TMEM131: variants seen among roughly 807,000 people sequenced by gnomAD.
The protein encoded by TMEM131 is 2610524E03Rik.
A neutral mutation model predicts 211.6 loss-of-function variants in TMEM131; 66 were observed. The observed-to-expected ratio is 0.31, with a 90% confidence interval of 0.26 to 0.38. The LOEUF is 0.38. Ranked by LOEUF, TMEM131 falls within the 10% of genes least tolerant of loss-of-function variation. TMEM131 has a pLI of 1.00. For synonymous variants in TMEM131, 844 were observed against 841.3 expected (o/e 1.00, Z -0.06); for missense variants, 2,036 against 2,299.3 (o/e 0.89, Z 2.34).
chr2:97,765,635 G>T (rs1166776761), intron 35 of TMEM131, among the ~76,000 whole-genome samples: 2 of 152,210 alleles, frequency 1.3e-5, no homozygotes, highest in Non-Finnish European at 2.9e-5. Context: ...CAAGGTCAAG[G>T]TAGTGAGAAA....
At chr2:97,805,513 T>TTAA in intron 20 of TMEM131, 38 bp downstream of exon 20, 2 of 1,611,444 alleles carry the variant, frequency 1.2e-6, no homozygotes, top group Non-Finnish European at 1.7e-6. Context: ...AAACAAAATG[T>TTAA]TAACCAATGG....
intron 11 of TMEM131, among the ~76,000 whole-genome samples, chr2:97,825,446 C>T (rs1424291763): frequency 6.6e-6 from 1 of 152,168 alleles, no homozygotes; most frequent in Non-Finnish European, 1.5e-5. Context: ...TAAGACAAAA[C>T]AGTTACGGGG....
chr2:97,895,002 T>C (rs1473611691), intron 3 of TMEM131, among the ~76,000 whole-genome samples: 2 of 152,176 alleles, frequency 1.3e-5, no homozygotes, highest in East Asian at 1.9e-4. Flanking sequence ...ATAGTCGCTG[T>C]TGGTTTGTCA....
chr2:97,902,107 G>A (rs1675879633), intron 3 of TMEM131, among the ~76,000 whole-genome samples: 1 of 151,642 alleles, frequency 6.6e-6, no homozygotes, highest in African/African-American at 2.4e-5. Flanking sequence ...TTAAAGTAGA[G>A]TAAAAATCCT....
intron 11 of TMEM131, 65 bp downstream of exon 11, chr2:97,833,300 A>G: frequency 1.3e-6 from 1 of 782,264 alleles, no homozygotes; most frequent in Non-Finnish European, 2.0e-6. Flanking sequence ...AATTATTTTT[A>G]ACTTTGTCAT....
chr2:97,772,158 T>A (rs1573334244), intron 33 of TMEM131, 139 bp downstream of exon 33: 5 of 935,814 alleles, frequency 5.3e-6, no homozygotes, highest in East Asian at 2.5e-5. Flanking sequence ...CCAAGAGGAA[T>A]GTGACGTAGC....
chr2:97,847,990 T>C (rs1683528684), intron 5 of TMEM131, among the ~76,000 whole-genome samples: 1 of 152,120 alleles, frequency 6.6e-6, no homozygotes, highest in Non-Finnish European at 1.5e-5. Flanking sequence ...CCAAAGCAAT[T>C]CTGAAAGAGA....
chr2:97,925,935 C>T (rs1218661262), intron 2 of TMEM131, among the ~76,000 whole-genome samples: 2 of 151,654 alleles, frequency 1.3e-5, no homozygotes, highest in Non-Finnish European at 2.9e-5. Flanking sequence ...ATGGTGAAAC[C>T]CCGTCTGTAC....
At chr2:97,911,168 T>C (rs757257919) in intron 2 of TMEM131, among the ~76,000 whole-genome samples, 19 of 152,194 alleles carry the variant, frequency 1.2e-4, no homozygotes, top group East Asian at 1.9e-4. Context: ...AAAATAATTA[T>C]GCTGAGTGGA....
At chr2:97,802,835 G>A (rs768227468) in intron 22 of TMEM131, 45 bp from the exon 23 acceptor site, 2 of 1,473,114 alleles carry the variant, frequency 1.4e-6, no homozygotes, top group Non-Finnish European at 1.8e-6. Context: ...TGAAATATTT[G>A]AGTCTTCTGA....
At chr2:97,875,510 C>G (rs1177788704) in intron 4 of TMEM131, among the ~76,000 whole-genome samples, 2 of 152,318 alleles carry the variant, frequency 1.3e-5, no homozygotes, top group East Asian at 3.9e-4. Context: ...GAAATCATAA[C>G]AAACAGTTTC....
Position 97,908,944 on chromosome 2 carries a change from C to T in TMEM131, c.250-246G>A, listed in dbSNP as rs547633582. 5.3e-5 allele frequency among the ~76,000 whole-genome samples: 8 copies of T among 152,270 alleles called. No homozygotes were observed. The South Asian group carries it at 1.5e-3, about 28-fold the overall frequency. ...CCAAACCGACACATCCTGAGAACAG[C>T]CCCTTTGACAATCACTTTGTGAGGC... On this transcript the variant is annotated intron_variant, in intron 2 of 40. Coordinates refer to ENST00000186436, the MANE Select transcript of TMEM131 (RefSeq NM_015348.2).
chr2:97,787,882 C>G (rs1433023149), intron 31 of TMEM131, among the ~76,000 whole-genome samples: 4 of 152,154 alleles, frequency 2.6e-5, no homozygotes, highest in Non-Finnish European at 5.9e-5. Flanking sequence ...TCCTCTGAAA[C>G]CTTACACTCA....
At chr2:97,957,682 C>A (rs1678633453) in intron 1 of TMEM131, among the ~76,000 whole-genome samples, 1 of 152,164 alleles carries the variant, frequency 6.6e-6, no homozygotes, top group Admixed American at 6.5e-5. Context: ...AACTTCTATT[C>A]CAAAGGACAA....
chr2:97,862,313 C>T (rs1047400112), intron 4 of TMEM131, among the ~76,000 whole-genome samples: 50 of 152,102 alleles, frequency 3.3e-4, no homozygotes, highest in African/African-American at 1.1e-3. Context: ...CTCTTCAATG[C>T]CCAGACACTG....
chr2:97,779,524 G>A (rs1449108735), intron 31 of TMEM131, among the ~76,000 whole-genome samples: 1 of 152,204 alleles, frequency 6.6e-6, no homozygotes, highest in African/African-American at 2.4e-5. Flanking sequence ...AGAGAAAGGA[G>A]AGACTCTTCC....
At chr2:97,779,179 A>G (rs1248214737) in intron 31 of TMEM131, among the ~76,000 whole-genome samples, 1 of 152,210 alleles carries the variant, frequency 6.6e-6, no homozygotes, top group African/African-American at 2.4e-5. Flanking sequence ...CCATGGTATC[A>G]ACATCAATCC....
intron 4 of TMEM131, among the ~76,000 whole-genome samples, chr2:97,871,858 G>A (rs993406538): frequency 5.3e-5 from 8 of 152,066 alleles, no homozygotes; most frequent in African/African-American, 1.9e-4. Context: ...CTGTATAGCA[G>A]GCAGGAAGAA....
chr2:97,915,798 A>C (rs1011961155), intron 2 of TMEM131, among the ~76,000 whole-genome samples: 7 of 152,334 alleles, frequency 4.6e-5, no homozygotes, highest in African/African-American at 1.2e-4. Flanking sequence ...TTTTACATTA[A>C]GTCCATGATC....
Sources: gnomAD v4.1 joint callset for allele counts (sites outside exome capture counted in the v4.1 genomes callset) on GRCh38, gnomAD v4.1.1 for gene constraint, MANE v1.5 for transcripts, NCBI Gene and HGNC (gene_info 2026-07-23, HGNC 2026-07-21) for gene names.